The following PARD3B variants were observed in gnomAD, a reference collection of about 807,000 sequenced individuals.
PARD3B encodes partitioning defective 3 homolog B.
In PARD3B, 103 loss-of-function variants were observed where a neutral mutation model predicts 130.2. That is an observed-to-expected ratio of 0.79 (90% CI 0.67 to 0.93). The LOEUF is 0.93. PARD3B is among the 40% of genes least tolerant of loss of function. The pLI is 0.00. For missense variants in PARD3B, 1,609 were observed against 1,499.2 expected, an observed-to-expected ratio of 1.07 and a Z score of -1.21; for synonymous variants, 583 against 553.2, an observed-to-expected ratio of 1.05 and a Z score of -0.76.
At chr2:204,955,857 G>A (rs1171928569) in intron 2 of PARD3B, among the ~76,000 whole-genome samples, 1 of 152,214 alleles carries the variant, frequency 6.6e-6, no homozygotes, top group African/African-American at 2.4e-5. Flanking sequence ...CTCGTGCTAT[G>A]TGACAAGTGA....
intron 2 of PARD3B, among the ~76,000 whole-genome samples, chr2:204,901,778 T>G (rs2046867761): frequency 6.6e-6 from 1 of 151,574 alleles, no homozygotes. Context: ...TGCTGCTGAT[T>G]ATTCAGATCC....
At chr2:204,668,860 C>T (rs1307626992) in intron 1 of PARD3B, among the ~76,000 whole-genome samples, 1 of 152,038 alleles carries the variant, frequency 6.6e-6, no homozygotes, top group African/African-American at 2.4e-5. Context: ...CTGGTGGGCT[C>T]AGTGTAATCA....
At chr2:204,735,480 T>C (rs1004113020) in intron 2 of PARD3B, among the ~76,000 whole-genome samples, 1 of 152,276 alleles carries the variant, frequency 6.6e-6, no homozygotes, top group East Asian at 1.9e-4. Context: ...AAATCCTGAA[T>C]GTAGAACATT....
chr2:205,596,939 C>G (rs866589160), intron 22 of PARD3B, among the ~76,000 whole-genome samples: 2 of 152,108 alleles, frequency 1.3e-5, no homozygotes, highest in Admixed American at 6.5e-5. Flanking sequence ...ATCCTTCCTA[C>G]CCAGAAGCAA....
chr2:204,880,821 G>A (rs908783852), intron 2 of PARD3B, among the ~76,000 whole-genome samples: 1 of 152,222 alleles, frequency 6.6e-6, no homozygotes, highest in African/African-American at 2.4e-5. Context: ...GGGAGCCAGA[G>A]CTAACTAATG....
At position 205,591,214 on chromosome 2, in the gene PARD3B, AGT is replaced by A. The variant is rs1262639953; in HGVS notation, c.3261-24239_3261-24238del. Among the ~76,000 whole-genome samples the A allele has an allele frequency of 2.0e-5, 3 of 152,034 alleles. No homozygotes were observed. Among genetic ancestry groups the A allele is most frequent in the Admixed American group, 2.0e-4 (3 of 15,270 alleles). Reference sequence around the variant, plus strand: ...ACAAGACAAAAAACTGTTTAGAGAGAGTGTACATTTTAGTGTATTTTGTATAA... The same window carrying A: ...ACAAGACAAAAAACTGTTTAGAGAGAGTACATTTTAGTGTATTTTGTATAA... On this transcript the variant is annotated intron_variant, in intron 22 of 22. Transcript: ENST00000406610. This position sits in a 1 kb window ranked among gnomAD's most constrained non-coding sequence, Gnocchi z 4.2.
intron 18 of PARD3B, among the ~76,000 whole-genome samples, chr2:205,334,845 C>T (rs75486657): frequency 0.023 from 3,557 of 152,298 alleles, 61 homozygotes; most frequent in Non-Finnish European, 0.038. Flanking sequence ...TAAGTGAGAA[C>T]AAACTACATC....
intron 20 of PARD3B, among the ~76,000 whole-genome samples, chr2:205,490,403 G>A (rs2049651614): frequency 6.6e-6 from 1 of 152,024 alleles, no homozygotes; most frequent in East Asian, 1.9e-4. Flanking sequence ...TGAGAATTAT[G>A]GTTTCCAGCT....
intron 2 of PARD3B, among the ~76,000 whole-genome samples, chr2:204,758,914 A>T (rs1559121589): frequency 6.6e-6 from 1 of 152,166 alleles, no homozygotes; most frequent in African/African-American, 2.4e-5. Context: ...TCTTATGGAT[A>T]TATCTGATTT....
intron 20 of PARD3B, among the ~76,000 whole-genome samples, chr2:205,480,156 C>T (rs775682530): frequency 5.3e-5 from 8 of 152,112 alleles, no homozygotes; most frequent in Non-Finnish European, 7.4e-5. Context: ...CCACCCGCCT[C>T]GGCCTCCCAG....
intron 2 of PARD3B, among the ~76,000 whole-genome samples, chr2:204,786,265 A>G (rs1045013544): frequency 2.0e-5 from 3 of 152,170 alleles, no homozygotes; most frequent in Admixed American, 6.5e-5. Flanking sequence ...GTTTGATTCT[A>G]TGGGATTTTA....
chr2:205,272,311 A>G (rs900295920), intron 16 of PARD3B, among the ~76,000 whole-genome samples: 5 of 152,078 alleles, frequency 3.3e-5, no homozygotes, highest in African/African-American at 1.2e-4. Flanking sequence ...TCTTAGTTCT[A>G]TTTCAGATCA....
chr2:205,120,940 G>T (rs1446576269), intron 7 of PARD3B, among the ~76,000 whole-genome samples: 1 of 152,190 alleles, frequency 6.6e-6, no homozygotes. Flanking sequence ...AGAAGTTTGA[G>T]GAAGAACACA....
rs1303229149 is a variant in PARD3B, at chr2:205,525,410, A to C, written c.3180+25379A>C. On this transcript the variant is annotated intron_variant, in intron 21 of 22. Transcript: ENST00000406610. The surrounding 1 kb of genome is among the most constrained non-coding windows in gnomAD (Gnocchi z 4.2). ...GAGGTTTTTTTGTTTTTGTTTTTAC[A>C]TTGAAGATGTAAAAAATAATTACAA... Among the ~76,000 whole-genome samples the C allele has an allele frequency of 1.3e-5, 2 of 152,184 alleles. No homozygotes were observed. The highest frequency in any genetic ancestry group is 2.9e-5 in the Non-Finnish European group (2 of 68,028).
chr2:204,837,249 C>G (rs369285263), intron 2 of PARD3B, among the ~76,000 whole-genome samples: 1 of 151,852 alleles, frequency 6.6e-6, no homozygotes, highest in Non-Finnish European at 1.5e-5. Flanking sequence ...TTAGACAGTA[C>G]GTAGTTCAAA....
chr2:205,180,735 G>GA (rs1559515781), intron 13 of PARD3B, among the ~76,000 whole-genome samples: 2 of 151,828 alleles, frequency 1.3e-5, no homozygotes, highest in Admixed American at 6.6e-5. Flanking sequence ...CTGTTACACA[G>GA]AAAAAAGGCA....
At chr2:205,167,854 A>T (rs1474341127) in intron 11 of PARD3B, among the ~76,000 whole-genome samples, 2 of 152,244 alleles carry the variant, frequency 1.3e-5, no homozygotes, top group Non-Finnish European at 2.9e-5. Context: ...TAGCATTTAT[A>T]TCACAGGGTT....
intron 2 of PARD3B, among the ~76,000 whole-genome samples, chr2:204,909,856 T>C (rs1164485725): frequency 6.6e-6 from 1 of 152,202 alleles, no homozygotes; most frequent in African/African-American, 2.4e-5. Flanking sequence ...ATTTCCTTTA[T>C]TGCTATGCTT....
At chr2:204,668,373 T>G (rs529760080) in intron 1 of PARD3B, among the ~76,000 whole-genome samples, 69 of 152,286 alleles carry the variant, frequency 4.5e-4, no homozygotes, top group Admixed American at 2.6e-3. Context: ...TCATTTCAAT[T>G]CTAGATTTTC....
Sources: gnomAD v4.1 joint callset for allele counts (sites outside exome capture counted in the v4.1 genomes callset) on GRCh38, gnomAD v4.1.1 for gene constraint, Gnocchi (gnomAD v3.1) non-coding constraint, MANE v1.5 for transcripts, NCBI Gene and HGNC (gene_info 2026-07-23, HGNC 2026-07-21) for gene names.